The following SLC4A4 variants were observed in gnomAD, a reference collection of about 807,000 sequenced individuals.
SLC4A4 encodes electrogenic sodium bicarbonate cotransporter 1.
A neutral mutation model predicts 111.5 loss-of-function variants in SLC4A4; 27 were observed. The ratio of observed to expected loss-of-function variants is 0.24; its 90% CI spans 0.18 to 0.33. SLC4A4 has a LOEUF of 0.33. SLC4A4 is among the 10% of genes least tolerant of loss of function. The probability of loss-of-function intolerance (pLI) is 1.00; values close to 1 mark genes in which losing one functional copy is unlikely to be tolerated. For missense variants in SLC4A4, 909 were observed against 1,315.5 expected, an observed-to-expected ratio of 0.69 and a Z score of 4.78; for synonymous variants, 443 against 463.4, an observed-to-expected ratio of 0.96 and a Z score of 0.57.
chr4:71,567,215 G>GTATACCCAAATAAA (rs1385359587), intron 25 of SLC4A4, 132 bp downstream of exon 25: 2 of 736,894 alleles, frequency 2.7e-6, no homozygotes, highest in African/African-American at 3.7e-5. Context: ...AAATTACCCA[G>GTATACCCAAATAAA]TGACCAAAAC....
chr4:71,411,804 C>G (rs1721385810), intron 7 of SLC4A4, among the ~76,000 whole-genome samples: 2 of 152,142 alleles, frequency 1.3e-5, no homozygotes, highest in African/African-American at 4.8e-5. Context: ...ATTTTCTGAG[C>G]AGGGCACTTC....
chr4:71,542,517 C>T (rs1256270170), intron 18 of SLC4A4, among the ~76,000 whole-genome samples: 1 of 152,062 alleles, frequency 6.6e-6, no homozygotes, highest in East Asian at 1.9e-4. Flanking sequence ...ACTTCTCTAG[C>T]CTAATTTTCT....
intron 7 of SLC4A4, among the ~76,000 whole-genome samples, chr4:71,422,780 T>C (rs1221299479): frequency 1.3e-5 from 2 of 152,034 alleles, no homozygotes; most frequent in Admixed American, 6.5e-5. Flanking sequence ...TTTGACAAAA[T>C]TCAACAACCC....
intron 2 of SLC4A4, among the ~76,000 whole-genome samples, chr4:71,175,477 C>T (rs950692296): frequency 6.6e-6 from 1 of 152,238 alleles, no homozygotes. Flanking sequence ...GTGACTCCCA[C>T]CCTAATACTG....
intron 5 of SLC4A4, among the ~76,000 whole-genome samples, chr4:71,350,624 C>T (rs970653583): frequency 3.7e-4 from 57 of 152,318 alleles, no homozygotes; most frequent in African/African-American, 1.3e-3. Flanking sequence ...AGTATATGTA[C>T]ATCAGCCAGA....
At chr4:71,339,801 T>C (rs1443252844) in intron 4 of SLC4A4, among the ~76,000 whole-genome samples, 1 of 152,066 alleles carries the variant, frequency 6.6e-6, no homozygotes, top group Non-Finnish European at 1.5e-5. Flanking sequence ...AATAGTAAAA[T>C]ATTTTAGAGA....
chr4:71,105,304 C>G (rs1241873169), intron 2 of SLC4A4, among the ~76,000 whole-genome samples: 4 of 150,028 alleles, frequency 2.7e-5, no homozygotes, highest in African/African-American at 9.9e-5. Flanking sequence ...ATTCTATGCT[C>G]ATGGGTAGGA....
At chr4:71,528,831 G>C (rs1733673312) in intron 16 of SLC4A4, among the ~76,000 whole-genome samples, 1 of 151,824 alleles carries the variant, frequency 6.6e-6, no homozygotes, top group African/African-American at 2.4e-5. Context: ...ATATCAAACA[G>C]TATGTGAAAA....
Position 71,448,319 on chromosome 4 carries a change from C to CA in SLC4A4, c.1053+605dup, listed in dbSNP as rs5859260. 3.5e-3 allele frequency among the ~76,000 whole-genome samples: 311 copies of CA among 89,536 alleles called. 4 individuals carry two copies. Among genetic ancestry groups the CA allele is most frequent in the African/African-American group, 0.011 (274 of 25,280 alleles). 58.7% of individuals were successfully genotyped at this position (89,536 alleles called of 152,430 possible). ...TGGGCAACAGAGCGAGATTCCATCTCAAAAAAAAAAAAAAAAAAAGGTTCA... is the reference window on the plus strand; with the variant it reads ...TGGGCAACAGAGCGAGATTCCATCTCAAAAAAAAAAAAAAAAAAAAGGTTCA... On this transcript the variant is annotated intron_variant, in intron 9 of 25. Transcript: ENST00000264485.
chr4:71,472,889 G>C lies in SLC4A4; in HGVS notation c.1822G>C (p.Ala608Pro). Residue 608 changes from alanine (A) to proline (P), a missense_variant, in exon 14 of 26, where the codon GCA (alanine) becomes CCA (proline). Ala to Pro is a conservative substitution (Grantham distance 27). Transcript: ENST00000264485. ...TGCTTTCAAGAAGATGATCAAGCTT[G>C]CAGATTACTACCCCATCAACTCCAA... ...YDAFKKMIKL[A>P]DYYPINSNFK... 1 of 1,612,906 alleles carries C rather than the reference G, an allele frequency of 6.2e-7. No individual in the cohort carries two copies. Among genetic ancestry groups the C allele is most frequent in the Non-Finnish European group, 8.5e-7 (1 of 1,179,342 alleles).
chr4:71,359,193 C>T (rs1730547785), intron 6 of SLC4A4, among the ~76,000 whole-genome samples: 1 of 152,194 alleles, frequency 6.6e-6, no homozygotes, highest in Non-Finnish European at 1.5e-5. Context: ...TTCAATCTTT[C>T]ATCCTATCTG....
intron 1 of SLC4A4, among the ~76,000 whole-genome samples, chr4:71,086,255 G>T (rs1171791490): frequency 1.3e-5 from 2 of 151,404 alleles, no homozygotes; most frequent in Non-Finnish European, 2.9e-5. Flanking sequence ...TATTGATTTT[G>T]TATCCTGAGA....
intron 1 of SLC4A4, among the ~76,000 whole-genome samples, chr4:71,192,111 CT>C (rs1223132026): frequency 6.6e-6 from 1 of 152,146 alleles, no homozygotes; most frequent in African/African-American, 2.4e-5. Context: ...TTGGTGATTT[CT>C]TTTTTTAAAG....
At chr4:71,374,270 T>C (rs1046048731) in intron 6 of SLC4A4, among the ~76,000 whole-genome samples, 5 of 152,226 alleles carry the variant, frequency 3.3e-5, no homozygotes, top group South Asian at 2.1e-4. Context: ...GAAATATTAT[T>C]TGGGTCACTT....
At chr4:71,224,662 G>A (rs1718944886) in intron 1 of SLC4A4, among the ~76,000 whole-genome samples, 1 of 152,210 alleles carries the variant, frequency 6.6e-6, no homozygotes, top group Admixed American at 6.5e-5. Flanking sequence ...GATTTGGGGG[G>A]GATTGCTACA....
At chr4:71,111,772 C>T (rs1302289142) in intron 2 of SLC4A4, among the ~76,000 whole-genome samples, 1 of 151,864 alleles carries the variant, frequency 6.6e-6, no homozygotes, top group Non-Finnish European at 1.5e-5. Context: ...TTTTGGCTCA[C>T]TGCAACCTCT....
chr4:71,452,097 G>A (rs961802954), intron 11 of SLC4A4, among the ~76,000 whole-genome samples: 3 of 2,112 alleles, frequency 1.4e-3, no homozygotes, highest in Non-Finnish European at 0.01. Context: ...AAACACTGCA[G>A]GGTTTTTTTT....
At chr4:71,268,075 G>GGT (rs71673470) in intron 3 of SLC4A4, among the ~76,000 whole-genome samples, 4 of 87,586 alleles carry the variant, frequency 4.6e-5, no homozygotes, top group Admixed American at 1.8e-4. Flanking sequence ...ATAAAGTAGT[G>GGT]TTTTTTTTTT....
At chr4:71,486,901 T>C in intron 14 of SLC4A4, 47 bp from the exon 15 acceptor site, 1 of 1,249,458 alleles carries the variant, frequency 8.0e-7, no homozygotes, top group Non-Finnish European at 1.2e-6. Flanking sequence ...TTAAGGTCTT[T>C]TTCTATTTTA....
Sources: gnomAD v4.1 joint callset for allele counts (sites outside exome capture counted in the v4.1 genomes callset) on GRCh38, gnomAD v4.1.1 for gene constraint, MANE v1.5 for transcripts, NCBI Gene and HGNC (gene_info 2026-07-23, HGNC 2026-07-21) for gene names.